RASSF5: variants seen among roughly 807,000 people sequenced by gnomAD.
RASSF5 encodes ras association domain-containing protein 5.
A neutral mutation model predicts 40.5 loss-of-function variants in RASSF5; 25 were observed. The observed-to-expected ratio is 0.62, with a 90% CI of 0.45 to 0.86. The LOEUF (loss-of-function observed/expected upper bound fraction) is 0.86. RASSF5 is among the 40% of genes least tolerant of loss of function. The probability of loss-of-function intolerance (pLI) is 0.00; values close to 1 mark genes in which losing one functional copy is unlikely to be tolerated. For missense variants in RASSF5, 521 were observed against 572.8 expected (o/e 0.91, Z 0.92); for synonymous variants, 246 against 252.4 (o/e 0.97, Z 0.24).
At chr1:206,558,958 G>A (rs143090720) in intron 2 of RASSF5, among the ~76,000 whole-genome samples, 3 of 152,240 alleles carry the variant, frequency 2.0e-5, no homozygotes, top group Middle Eastern at 3.4e-3. Context: ...TTCTTGCCGC[G>A]TGGTATAAGT....
At chr1:206,518,005 C>T (rs1572292023) in intron 1 of RASSF5, among the ~76,000 whole-genome samples, 1 of 152,124 alleles carries the variant, frequency 6.6e-6, no homozygotes, top group East Asian at 1.9e-4. Flanking sequence ...TTAACGAGCT[C>T]CTGGGCTGGG....
chr1:206,512,060 G>T (rs1173619704), intron 1 of RASSF5, among the ~76,000 whole-genome samples: 1 of 152,218 alleles, frequency 6.6e-6, no homozygotes, highest in Non-Finnish European at 1.5e-5. Flanking sequence ...AGCACTGAGT[G>T]TGTAGCGTGT....
chr1:206,561,580 A>AGAC (rs1668144192), intron 2 of RASSF5, among the ~76,000 whole-genome samples: 1 of 151,956 alleles, frequency 6.6e-6, no homozygotes, highest in African/African-American at 2.4e-5. Flanking sequence ...TTCCCACTGG[A>AGAC]GACTCCTCCT....
At chr1:206,558,125 G>A (rs1668040149) in intron 2 of RASSF5, among the ~76,000 whole-genome samples, 1 of 152,176 alleles carries the variant, frequency 6.6e-6, no homozygotes, top group Non-Finnish European at 1.5e-5. Flanking sequence ...CATCGGTTGG[G>A]ACTTCCGTAT....
intron 1 of RASSF5, among the ~76,000 whole-genome samples, chr1:206,521,888 AC>A (rs1350162607): frequency 6.6e-6 from 1 of 152,168 alleles, no homozygotes; most frequent in Non-Finnish European, 1.5e-5. Flanking sequence ...GAGCAAAGTG[AC>A]ACATGCCTAG....
At chr1:206,541,978 C>G (rs1667556153) in intron 2 of RASSF5, 1 of 152,258 alleles carries the variant, frequency 6.6e-6, no homozygotes, top group Non-Finnish European at 1.5e-5. Flanking sequence ...CCACTGCGGC[C>G]CAGGGCAACC....
intron 2 of RASSF5, among the ~76,000 whole-genome samples, chr1:206,568,497 C>A (rs1221187550): frequency 6.6e-6 from 1 of 152,130 alleles, no homozygotes; most frequent in African/African-American, 2.4e-5. Context: ...CAAGCATGGG[C>A]GGTGTGGGTA....
chr1:206,584,386 G>C lies in RASSF5; in HGVS notation c.691-1G>C. 1 of 1,608,790 alleles carries C rather than the reference G, an allele frequency of 6.2e-7. No individual in the cohort carries two copies. Among genetic ancestry groups the C allele is most frequent in the Non-Finnish European group, 8.5e-7 (1 of 1,176,610 alleles). ...CCCCTGTGACATGCCCCCGCTGGCA[G>C]AGTGAAGACGGCACCTACACGGGTT... On this transcript the variant is annotated splice_acceptor_variant, in intron 3 of 5. Coordinates refer to ENST00000579436, the MANE Select transcript of RASSF5 (RefSeq NM_182663.4). LOFTEE classifies it high-confidence loss of function. The surrounding 1 kb of genome is among the most constrained non-coding windows in gnomAD (Gnocchi z 4.9).
chr1:206,556,938 G>A (rs1201191895), intron 2 of RASSF5, among the ~76,000 whole-genome samples: 3 of 152,096 alleles, frequency 2.0e-5, no homozygotes, highest in Non-Finnish European at 4.4e-5. Context: ...GGGCTGATGA[G>A]AATGGGCTCT....
At chr1:206,538,615 A>G (rs547549200) in intron 2 of RASSF5, among the ~76,000 whole-genome samples, 5 of 152,352 alleles carry the variant, frequency 3.3e-5, no homozygotes, top group African/African-American at 1.2e-4. Context: ...TAAAGGCCTC[A>G]TAGCCCTGGG....
intron 2 of RASSF5, among the ~76,000 whole-genome samples, chr1:206,551,654 A>G (rs782206369): frequency 6.6e-6 from 1 of 152,248 alleles, no homozygotes; most frequent in Non-Finnish European, 1.5e-5. Flanking sequence ...CCTGGCCACA[A>G]GGAGGGACAG....
intron 2 of RASSF5, among the ~76,000 whole-genome samples, chr1:206,577,776 A>G (rs115874412): frequency 0.011 from 1,751 of 152,336 alleles, 37 homozygotes; most frequent in African/African-American, 0.04. Context: ...TGTAGGCAAT[A>G]GGGGATCATT....
intron 1 of RASSF5, among the ~76,000 whole-genome samples, chr1:206,537,386 C>T (rs1049632351): frequency 6.6e-6 from 1 of 152,144 alleles, no homozygotes; most frequent in Non-Finnish European, 1.5e-5. Flanking sequence ...TAGCCTAGGC[C>T]GGGTCAGAGA....
intron 1 of RASSF5, among the ~76,000 whole-genome samples, chr1:206,521,491 G>T (rs891018672): frequency 6.6e-6 from 1 of 152,124 alleles, no homozygotes; most frequent in Non-Finnish European, 1.5e-5. Flanking sequence ...GCATACCTGC[G>T]GTGCATTCAT....
At chr1:206,566,557 G>A (rs1271397919) in intron 2 of RASSF5, among the ~76,000 whole-genome samples, 3 of 152,140 alleles carry the variant, frequency 2.0e-5, no homozygotes, top group African/African-American at 4.8e-5. Flanking sequence ...CAGGGCCCTC[G>A]CTTTGCAGTG....
chr1:206,518,606 C>G (rs923341265), intron 1 of RASSF5: 2 of 397,868 alleles, frequency 5.0e-6, no homozygotes, highest in African/African-American at 4.1e-5. Flanking sequence ...ACTGGCTTCT[C>G]CCATAGAAAA....
rs1042386517 is a variant in RASSF5, at chr1:206,531,288, C to T, written c.458-6884C>T. On this transcript the variant is annotated intron_variant, in intron 1 of 5. Coordinates refer to ENST00000579436, the MANE Select transcript of RASSF5 (RefSeq NM_182663.4). The surrounding 1 kb of genome is among the most constrained non-coding windows in gnomAD (Gnocchi z 4.7). ...TGCTAGTGAATGGGCTTCCCAAACT[C>T]GGAGCAGGGCCCAGAGCAAAGGGCT... Among the ~76,000 whole-genome samples, 6 of 152,206 alleles carry T rather than the reference C, an allele frequency of 3.9e-5. 1 individual carries two copies. Among genetic ancestry groups the T allele is most frequent in the Non-Finnish European group, 2.9e-5 (2 of 68,040 alleles).
At chr1:206,520,972 A>G (rs1217823281) in intron 1 of RASSF5, among the ~76,000 whole-genome samples, 2 of 152,110 alleles carry the variant, frequency 1.3e-5, no homozygotes, top group African/African-American at 4.8e-5. Flanking sequence ...TCTCAGTGGG[A>G]GACATAGGAC....
chr1:206,518,492 CA>C (rs1553395688), intron 1 of RASSF5: 1 of 398,668 alleles, frequency 2.5e-6, no homozygotes. Flanking sequence ...GCTCGGTCTC[CA>C]AAAAGCACCA....
Sources: allele counts gnomAD v4.1 joint callset (sites outside exome capture counted in the v4.1 genomes callset), GRCh38; gene constraint gnomAD v4.1.1; non-coding constraint Gnocchi (gnomAD v3.1); transcripts MANE v1.5; gene names NCBI Gene and HGNC (gene_info 2026-07-23, HGNC 2026-07-21).